Variants in CDH23 observed in about 807,000 individuals in gnomAD.
CDH23 encodes the protein cadherin related 23.
Under a neutral mutation model 317.1 loss-of-function variants are expected in CDH23, and 189 were observed. The observed-to-expected ratio is 0.60, with a 90% CI of 0.53 to 0.67. The LOEUF (loss-of-function observed/expected upper bound fraction) is 0.67, where lower values mean the gene tolerates loss of function less well. Ranked by LOEUF, CDH23 falls within the 30% of genes least tolerant of loss-of-function variation. CDH23 has a pLI of 0.00. For missense variants in CDH23, 4,401 were observed against 4,592.4 expected (o/e 0.96, Z 1.20); for synonymous variants, 1,839 against 1,876.8 (o/e 0.98, Z 0.52).
Position 71,806,274 on chromosome 10 carries a change from G to C in CDH23, c.8171G>C (p.Arg2724Thr), listed in dbSNP as rs1336123941. The C allele has an allele frequency of 1.3e-6, 2 of 1,554,984 alleles. No homozygotes were observed. Among genetic ancestry groups the C allele is most frequent in the South Asian group, 2.4e-5 (2 of 84,408 alleles). ...GATGACAACGAACCCCTTTTCGTGA[G>C]GCCTCCAGTGAGCTTGCCCACCTCC... ...DIDDNEPLFVRPPKGSPQYQL... is the reference protein window; with the variant it reads ...DIDDNEPLFVTPPKGSPQYQL... The change falls in exon 57 of 70, where the codon AGG becomes ACG. Residue 2724 changes from arginine to threonine, a missense_variant. This residue lies in a region of CDH23 where 1,144 missense variants were observed against 1,138.2 expected (regional missense o/e 1.01). Transcript: ENST00000224721.
At chr10:71,723,963 G>A in intron 28 of CDH23, 82 bp from the exon 29 acceptor site, 1 of 1,485,630 alleles carries the variant, frequency 6.7e-7, no homozygotes, top group Admixed American at 2.0e-5. Context: ...GATGCGTGAA[G>A]GGAAGGAAAG....
chr10:71,701,469 G>A (rs1453356850), intron 22 of CDH23, among the ~76,000 whole-genome samples: 1 of 152,144 alleles, frequency 6.6e-6, no homozygotes, highest in African/African-American at 2.4e-5. Flanking sequence ...GGGGTTATAA[G>A]TGGGGAACCA....
chr10:71,754,327 TG>T (rs1261341315), intron 38 of CDH23, among the ~76,000 whole-genome samples: 1 of 151,174 alleles, frequency 6.6e-6, no homozygotes, highest in Admixed American at 6.6e-5. Flanking sequence ...GGGCTTCACG[TG>T]GGGGCCCCCG....
At chr10:71,589,611 C>T (rs557337998) in intron 9 of CDH23, among the ~76,000 whole-genome samples, 8 of 152,272 alleles carry the variant, frequency 5.3e-5, no homozygotes, top group East Asian at 1.9e-4. Context: ...TACACACTTT[C>T]GGAGGTTAGG....
At chr10:71,748,724 C>G (rs1449962447) in intron 38 of CDH23, 1 of 152,822 alleles carries the variant, frequency 6.5e-6, no homozygotes, top group Non-Finnish European at 1.5e-5. Context: ...CATGTTCTCG[C>G]ACCCAGCTCT....
rs1045482647 is a variant in CDH23, at chr10:71,709,125, T to C, written c.3134T>C (p.Val1045Ala). The C allele has an allele frequency of 7.4e-6, 12 of 1,613,778 alleles. No individual in the cohort carries two copies. In the Admixed American group the frequency reaches 1.3e-4, roughly 18 times the overall value. Residue 1045 changes from valine to alanine, a missense_variant, in exon 27 of 70, where the codon GTG (valine) becomes GCG (alanine). Transcript: ENST00000224721. ...TGGNVDGKFSVGYRDAVVRTV... is the reference protein window; with the variant it reads ...TGGNVDGKFSAGYRDAVVRTV... ...GGCAACGTGGATGGGAAGTTCAGCG[T>C]GGGTTACCGCGATGCCGTTGTGAGA...
chr10:71,452,653 G>A (rs972603843), intron 3 of CDH23, among the ~76,000 whole-genome samples: 12 of 152,268 alleles, frequency 7.9e-5, no homozygotes, highest in East Asian at 5.8e-4. Context: ...ACACTCTAGC[G>A]TGGCTATTTG....
chr10:71,735,574 G>A (rs1000651671), intron 34 of CDH23, among the ~76,000 whole-genome samples: 10 of 152,304 alleles, frequency 6.6e-5, no homozygotes, highest in African/African-American at 2.4e-4. Flanking sequence ...ACCACCTGGG[G>A]CATCAGGCTC....
intron 11 of CDH23, among the ~76,000 whole-genome samples, chr10:71,622,691 C>T (rs1041701409): frequency 2.0e-5 from 3 of 152,224 alleles, no homozygotes; most frequent in Non-Finnish European, 4.4e-5. Flanking sequence ...ATACCATTTG[C>T]GGATGTCCTG....
intron 3 of CDH23, among the ~76,000 whole-genome samples, 199 bp downstream of exon 3, chr10:71,446,594 G>GT (rs1005656005): frequency 1.3e-5 from 2 of 152,142 alleles, no homozygotes; most frequent in Non-Finnish European, 2.9e-5. Flanking sequence ...ACGTCAAAGG[G>GT]TTTATCACAT....
intron 1 of CDH23, among the ~76,000 whole-genome samples, chr10:71,427,265 G>GAA (rs1254026168): frequency 6.8e-5 from 9 of 132,782 alleles, no homozygotes; most frequent in African/African-American, 2.3e-4. Flanking sequence ...GAAAGAGAAA[G>GAA]AGAGAAAGAA....
At chr10:71,433,611 A>G (rs1019311551) in intron 1 of CDH23, among the ~76,000 whole-genome samples, 1 of 151,760 alleles carries the variant, frequency 6.6e-6, no homozygotes, top group Non-Finnish European at 1.5e-5. Flanking sequence ...CTTGGTTGTC[A>G]ACAGCCATGC....
intron 19 of CDH23, among the ~76,000 whole-genome samples, chr10:71,687,925 C>CACA: frequency 6.6e-6 from 1 of 152,334 alleles, no homozygotes; most frequent in East Asian, 1.9e-4. Context: ...AGAGCACCTG[C>CACA]TATGTGCAGG....
chr10:71,461,660 G>A (rs1031626521), intron 3 of CDH23, among the ~76,000 whole-genome samples: 3 of 152,222 alleles, frequency 2.0e-5, no homozygotes, highest in East Asian at 1.9e-4. Context: ...CGCGGCCACC[G>A]CGACTTGGGC....
At position 71,704,818 on chromosome 10, in the gene CDH23, G is replaced by A. The variant is rs1865716660; in HGVS notation, c.2734-93G>A. The A allele has an allele frequency of 6.0e-6, 6 of 995,302 alleles. No individual in the cohort carries two copies. In the South Asian group the frequency reaches 7.0e-5, roughly 12 times the overall value. The allele number at this position is 995,302 out of a possible 1,614,324, so 61.7% of individuals were successfully genotyped here. A position where few individuals can be genotyped will look rare whatever the true frequency, so the allele number is the denominator to read the frequency against. The stretch of plus-strand genomic sequence containing the variant: ...CAGATGTGTCTAGCTGCAGCCAAGT[G>A]TGGCTTGGCAGGGAGGAGGAGCACT... On this transcript the variant is annotated intron_variant, in intron 24 of 69. Coordinates refer to ENST00000224721, the MANE Select transcript of CDH23 (RefSeq NM_022124.6).
In CDH23 at chr10:71,785,100, G is replaced by C; in HGVS notation, c.5712G>C (p.Thr1904=). The part of the protein sequence containing the change: ...NRERAFFINA[T]TGIVTVNRPL... ...AGCGGGCCTTCTTCATCAATGCCAC[G>C]GTAGGGCCTAGACTGACCCCAGGGA... The change falls in exon 43 of 70, where the codon ACG becomes ACC. Residue 1904 remains threonine, a splice_region_variant and synonymous_variant. Coordinates refer to ENST00000224721, the MANE Select transcript of CDH23 (RefSeq NM_022124.6). 1 of 1,613,154 alleles carries C rather than the reference G, an allele frequency of 6.2e-7. No individual in the cohort carries two copies. The highest frequency in any genetic ancestry group is 8.5e-7 in the Non-Finnish European group (1 of 1,179,178).
chr10:71,446,203 C>T (rs1850157282), intron 2 of CDH23, 115 bp from the exon 3 acceptor site: 5 of 995,174 alleles, frequency 5.0e-6, no homozygotes, highest in Non-Finnish European at 4.7e-6. Flanking sequence ...GGAAGTTGAC[C>T]ATGGCCATGG....
chr10:71,635,212 A>G (rs918914578), intron 11 of CDH23: 3 of 152,646 alleles, frequency 2.0e-5, no homozygotes, highest in Admixed American at 2.0e-4. Flanking sequence ...TGCAAGTACC[A>G]ACGCACATTA....
chr10:71,643,928 G>A, intron 12 of CDH23, 62 bp downstream of exon 12: 1 of 764,340 alleles, frequency 1.3e-6, no homozygotes, highest in Non-Finnish European at 2.4e-6. Flanking sequence ...GGCACAGTGG[G>A]GAGGGGCTTT....
Sources: gnomAD v4.1 joint callset for allele counts (sites outside exome capture counted in the v4.1 genomes callset) on GRCh38, gnomAD v4.1.1 for gene constraint, gnomAD v4.1.1 regional missense constraint, MANE v1.5 for transcripts, NCBI Gene and HGNC (gene_info 2026-07-23, HGNC 2026-07-21) for gene names.